The following C1orf21 variants were observed in gnomAD, a reference collection of about 807,000 sequenced individuals.
C1orf21 encodes the protein chromosome 1 open reading frame 21.
C1orf21 carries 3 observed loss-of-function variants against 18.7 expected under a neutral mutation model. The ratio of observed to expected loss-of-function variants is 0.16; its 90% CI spans 0.07 to 0.42. The LOEUF (loss-of-function observed/expected upper bound fraction) is 0.42. C1orf21 is among the 10% of genes least tolerant of loss of function. The pLI is 0.99. For synonymous variants in C1orf21, 41 were observed against 46.4 expected (o/e 0.88, Z 0.47); for missense variants, 104 against 143.6 (o/e 0.72, Z 1.41).
intron 1 of C1orf21, among the ~76,000 whole-genome samples, chr1:184,444,620 C>T (rs1657000595): frequency 6.6e-6 from 1 of 152,192 alleles, no homozygotes; most frequent in Non-Finnish European, 1.5e-5. Flanking sequence ...TTCAGGGTGC[C>T]TACTTACTAT....
At chr1:184,472,333 C>G (rs915108045) in intron 1 of C1orf21, among the ~76,000 whole-genome samples, 3 of 151,956 alleles carry the variant, frequency 2.0e-5, no homozygotes, top group African/African-American at 7.3e-5. Flanking sequence ...CTCTGTGTGC[C>G]CGTTGCAATC....
intron 1 of C1orf21, among the ~76,000 whole-genome samples, chr1:184,422,286 G>C (rs1656558225): frequency 6.6e-6 from 1 of 152,186 alleles, no homozygotes. Context: ...GGAAGGCTTT[G>C]TTTGAAATGC....
chr1:184,396,534 A>G (rs1051445979), intron 1 of C1orf21, among the ~76,000 whole-genome samples: 1 of 152,210 alleles, frequency 6.6e-6, no homozygotes, highest in Non-Finnish European at 1.5e-5. Flanking sequence ...TAATTAACTC[A>G]GTTTGCAAGA....
At chr1:184,618,360 A>G (rs1237409138) in intron 5 of C1orf21, among the ~76,000 whole-genome samples, 9 of 152,156 alleles carry the variant, frequency 5.9e-5, no homozygotes, top group African/African-American at 2.2e-4. Flanking sequence ...TGTTCTCTTC[A>G]TTTTACAGAT....
intron 1 of C1orf21, among the ~76,000 whole-genome samples, chr1:184,406,110 T>G (rs1474710924): frequency 6.6e-6 from 1 of 152,252 alleles, no homozygotes; most frequent in Non-Finnish European, 1.5e-5. Flanking sequence ...TGTGTGAAGA[T>G]AAAATCTCTT....
chr1:184,542,633 C>T (rs1333665309), intron 3 of C1orf21: 1 of 152,188 alleles, frequency 6.6e-6, no homozygotes, highest in Non-Finnish European at 1.5e-5. Context: ...CTTTCTCCTT[C>T]CTACATGGAG....
intron 3 of C1orf21, among the ~76,000 whole-genome samples, chr1:184,531,608 C>A (rs184599195): frequency 2.2e-3 from 339 of 152,224 alleles, no homozygotes; most frequent in African/African-American, 7.5e-3. Context: ...TCTTAGTTTT[C>A]CATTTTTCTT....
intron 3 of C1orf21, among the ~76,000 whole-genome samples, chr1:184,546,595 C>T (rs1658731231): frequency 1.3e-5 from 2 of 152,196 alleles, no homozygotes; most frequent in Non-Finnish European, 2.9e-5. Flanking sequence ...ATATCAATGA[C>T]TACAGACCAC....
intron 3 of C1orf21, among the ~76,000 whole-genome samples, chr1:184,577,254 CAG>C (rs746480455): frequency 7.3e-5 from 11 of 151,232 alleles, no homozygotes; most frequent in Admixed American, 1.3e-4. Context: ...GATGTAATAA[CAG>C]AAGCAGAGAT....
At chr1:184,399,097 T>C (rs375517127) in intron 1 of C1orf21, among the ~76,000 whole-genome samples, 1 of 152,306 alleles carries the variant, frequency 6.6e-6, no homozygotes, top group East Asian at 1.9e-4. Flanking sequence ...TTTCCACACC[T>C]GAGAGATGCA....
At chr1:184,537,037 T>G (rs1482267440) in intron 3 of C1orf21, among the ~76,000 whole-genome samples, 1 of 152,180 alleles carries the variant, frequency 6.6e-6, no homozygotes, top group Admixed American at 6.5e-5. Flanking sequence ...GCCCAGGTTA[T>G]ATACGGGCTA....
intron 2 of C1orf21, among the ~76,000 whole-genome samples, chr1:184,480,834 CT>C (rs1421330279): frequency 1.2e-4 from 18 of 152,158 alleles, no homozygotes; most frequent in Admixed American, 1.2e-3. Flanking sequence ...GTCTGCGTGA[CT>C]CGCTTTCGTG....
At chr1:184,539,421 T>C (rs568559565) in intron 3 of C1orf21, among the ~76,000 whole-genome samples, 39 of 152,228 alleles carry the variant, frequency 2.6e-4, no homozygotes, top group Non-Finnish European at 5.6e-4. Context: ...TTTGCATCAA[T>C]GTTCATAAGA....
At chr1:184,388,694 G>A (rs1330861775) in intron 1 of C1orf21, among the ~76,000 whole-genome samples, 1 of 151,696 alleles carries the variant, frequency 6.6e-6, no homozygotes, top group African/African-American at 2.4e-5. Context: ...TACACAGACA[G>A]ATGTAATGAA....
chr1:184,609,216 G>A (rs1659692924), intron 5 of C1orf21, among the ~76,000 whole-genome samples: 1 of 152,222 alleles, frequency 6.6e-6, no homozygotes, highest in Non-Finnish European at 1.5e-5. Flanking sequence ...GGATGAGTCA[G>A]TCACCATCCA....
chr1:184,544,872 G>C (rs997629040), intron 3 of C1orf21, among the ~76,000 whole-genome samples: 1 of 152,180 alleles, frequency 6.6e-6, no homozygotes, highest in African/African-American at 2.4e-5. Context: ...CTGTTGGGAG[G>C]CCTCAGTTCC....
chr1:184,594,563 C>A (rs1265037550), intron 4 of C1orf21, among the ~76,000 whole-genome samples: 1 of 152,150 alleles, frequency 6.6e-6, no homozygotes, highest in African/African-American at 2.4e-5. Context: ...ATTATTTTAA[C>A]AAAGTCTCTT....
intron 1 of C1orf21, among the ~76,000 whole-genome samples, chr1:184,462,672 A>C (rs1219054167): frequency 6.6e-6 from 1 of 152,218 alleles, no homozygotes; most frequent in African/African-American, 2.4e-5. Flanking sequence ...GAAATATAAA[A>C]TAAATAAAAC....
chr1:184,506,279 G>T (rs1658060771), intron 2 of C1orf21, among the ~76,000 whole-genome samples: 1 of 152,134 alleles, frequency 6.6e-6, no homozygotes, highest in Admixed American at 6.6e-5. Context: ...ACATTCTTAA[G>T]AATGATAATT....
Sources: gnomAD v4.1 joint callset for allele counts (sites outside exome capture counted in the v4.1 genomes callset) on GRCh38, gnomAD v4.1.1 for gene constraint, MANE v1.5 for transcripts, NCBI Gene and HGNC (gene_info 2026-07-23, HGNC 2026-07-21) for gene names.